SRGAP1: variants seen among roughly 807,000 people sequenced by gnomAD.
SRGAP1 encodes the protein SLIT-ROBO Rho GTPase-activating protein 1.
In SRGAP1, 43 loss-of-function variants were observed where a neutral mutation model predicts 121.9. The ratio of observed to expected loss-of-function variants is 0.35; its 90% CI spans 0.28 to 0.46. The LOEUF (loss-of-function observed/expected upper bound fraction) is 0.46. SRGAP1 is among the 20% of genes least tolerant of loss of function. The probability of loss-of-function intolerance (pLI) is 1.00; values close to 1 mark genes in which losing one functional copy is unlikely to be tolerated. For synonymous variants in SRGAP1, 447 were observed against 485.4 expected, an observed-to-expected ratio of 0.92 and a Z score of 1.04; for missense variants, 1,102 against 1,350.9, an observed-to-expected ratio of 0.82 and a Z score of 2.89.
chr12:63,869,673 CAG>C (rs1899784206), intron 1 of SRGAP1, among the ~76,000 whole-genome samples: 1 of 152,144 alleles, frequency 6.6e-6, no homozygotes, highest in African/African-American at 2.4e-5. Context: ...AATGGTGACT[CAG>C]AAGAAAGCTT....
intron 21 of SRGAP1, among the ~76,000 whole-genome samples, chr12:64,139,605 A>G (rs1048606088): frequency 3.3e-5 from 5 of 151,400 alleles, no homozygotes; most frequent in Non-Finnish European, 5.9e-5. Flanking sequence ...TTTTTCTTGT[A>G]AATTTGTTTG....
chr12:64,007,896 ATTATG>A (rs1382850560), intron 3 of SRGAP1, among the ~76,000 whole-genome samples: 1 of 152,206 alleles, frequency 6.6e-6, no homozygotes, highest in Non-Finnish European at 1.5e-5. Flanking sequence ...TAAATCTTGA[ATTATG>A]TTGAGTTGAC....
chr12:64,029,573 A>G (rs1379526212), intron 4 of SRGAP1, among the ~76,000 whole-genome samples: 1 of 152,188 alleles, frequency 6.6e-6, no homozygotes, highest in Non-Finnish European at 1.5e-5. Flanking sequence ...GTGATAAAGG[A>G]TGGATGGGAA....
intron 3 of SRGAP1, among the ~76,000 whole-genome samples, chr12:64,016,019 A>T (rs1156694329): frequency 2.6e-5 from 4 of 152,198 alleles, no homozygotes. Context: ...AGGGAAGGTT[A>T]TTTCAAATGC....
intron 1 of SRGAP1, among the ~76,000 whole-genome samples, chr12:63,948,380 A>C (rs1472929891): frequency 6.6e-6 from 1 of 152,164 alleles, no homozygotes; most frequent in Non-Finnish European, 1.5e-5. Context: ...CTCTTAACAA[A>C]AATAATCACT....
chr12:64,091,096 G>A (rs75645568), intron 11 of SRGAP1, among the ~76,000 whole-genome samples, 180 bp from the exon 12 acceptor site: 94 of 152,282 alleles, frequency 6.2e-4, no homozygotes, highest in African/African-American at 2.1e-3. Context: ...CAATTTGTAT[G>A]TTTTTTGATA....
chr12:63,905,313 C>T (rs1049957227), intron 1 of SRGAP1, among the ~76,000 whole-genome samples: 2 of 152,134 alleles, frequency 1.3e-5, no homozygotes, highest in African/African-American at 4.8e-5. Flanking sequence ...GGGTAGTGGC[C>T]ACATGTGTCC....
chr12:64,095,054 T>G, intron 13 of SRGAP1, 62 bp downstream of exon 13: 1 of 1,610,468 alleles, frequency 6.2e-7, no homozygotes, highest in Non-Finnish European at 8.5e-7. Flanking sequence ...TTCAGTAAAT[T>G]TACTTCCTGG....
At chr12:63,955,162 A>G (rs904345205) in intron 1 of SRGAP1, among the ~76,000 whole-genome samples, 2 of 152,150 alleles carry the variant, frequency 1.3e-5, no homozygotes, top group Non-Finnish European at 2.9e-5. Context: ...TACTAAAAAT[A>G]CAAAGAATTA....
intron 5 of SRGAP1, 32 bp downstream of exon 5, chr12:64,043,004 T>C (rs377528868): frequency 8.7e-6 from 13 of 1,495,946 alleles, no homozygotes; most frequent in Non-Finnish European, 1.0e-5. Context: ...CTCTTCTGCC[T>C]TCATTTGAGG....
chr12:63,956,200 A>G (rs1408773051), intron 1 of SRGAP1, among the ~76,000 whole-genome samples: 1 of 152,104 alleles, frequency 6.6e-6, no homozygotes, highest in South Asian at 2.1e-4. Context: ...AAAGTACAAA[A>G]TTACTGGCTG....
intron 15 of SRGAP1, chr12:64,108,711 C>T (rs775107166): frequency 2.8e-6 from 1 of 361,866 alleles, no homozygotes; most frequent in Non-Finnish European, 4.9e-6. Flanking sequence ...AAGCCAAGTC[C>T]ATGAAAATCG....
rs183979949 is a variant in SRGAP1, at chr12:64,056,571, A to G, written c.802-6346A>G. 5.4e-3 allele frequency among the ~76,000 whole-genome samples: 801 copies of G among 148,836 alleles called. 7 individuals are homozygous for G. The highest frequency in any genetic ancestry group is 8.1e-3 in the Non-Finnish European group (540 of 66,878). The stretch of plus-strand genomic sequence containing the variant: ...CCACAAAAAAAAAAAAAAAAAAGAG[A>G]GAAAGAAAGAAAAACATAAATCAGA... On this transcript the variant is annotated intron_variant, in intron 6 of 21. Coordinates refer to ENST00000355086, the MANE Select transcript of SRGAP1 (RefSeq NM_020762.4).
At chr12:64,060,787 T>C (rs1055508724) in intron 6 of SRGAP1, among the ~76,000 whole-genome samples, 1 of 152,184 alleles carries the variant, frequency 6.6e-6, no homozygotes, top group Non-Finnish European at 1.5e-5. Context: ...CAAAAGTTGC[T>C]TTCTTTGCGA....
At chr12:63,920,246 A>G in intron 1 of SRGAP1, among the ~76,000 whole-genome samples, 1 of 152,180 alleles carries the variant, frequency 6.6e-6, no homozygotes, top group East Asian at 1.9e-4. Context: ...CCTGATAACT[A>G]TTGAGATATA....
chr12:63,998,329 C>G (rs943990671), intron 3 of SRGAP1, among the ~76,000 whole-genome samples: 3 of 152,168 alleles, frequency 2.0e-5, no homozygotes, highest in Non-Finnish European at 4.4e-5. Flanking sequence ...CAGCAAGACC[C>G]AGCATTAGCA....
intron 1 of SRGAP1, among the ~76,000 whole-genome samples, chr12:63,942,153 T>C (rs1389473013): frequency 6.6e-6 from 1 of 152,164 alleles, no homozygotes; most frequent in Non-Finnish European, 1.5e-5. Flanking sequence ...GATATAAAGG[T>C]AGTCTTGTTG....
chr12:63,863,335 T>A (rs1357407440), intron 1 of SRGAP1, among the ~76,000 whole-genome samples: 2 of 151,086 alleles, frequency 1.3e-5, no homozygotes, highest in African/African-American at 4.9e-5. Flanking sequence ...TGCAGTGGCA[T>A]GATCTGGGTT....
intron 12 of SRGAP1, 40 bp from the exon 13 acceptor site, chr12:64,094,892 C>T (rs1305196958): frequency 3.2e-6 from 5 of 1,581,332 alleles, no homozygotes; most frequent in Non-Finnish European, 3.5e-6. Flanking sequence ...GCATTTATAC[C>T]TCTCCCTTGA....
Sources: allele counts gnomAD v4.1 joint callset (sites outside exome capture counted in the v4.1 genomes callset), GRCh38; gene constraint gnomAD v4.1.1; transcripts MANE v1.5; gene names NCBI Gene and HGNC (gene_info 2026-07-23, HGNC 2026-07-21).